Variants in ARRB1 observed in about 807,000 individuals in gnomAD.
ARRB1 encodes the protein beta-arrestin-1.
ARRB1 carries 21 observed loss-of-function variants against 56.8 expected under a neutral mutation model. That is an observed-to-expected ratio of 0.37 (90% CI 0.26 to 0.53). The LOEUF (loss-of-function observed/expected upper bound fraction) is 0.53. ARRB1 is among the 20% of genes least tolerant of loss of function. ARRB1 has a pLI of 0.88. For synonymous variants in ARRB1, 210 were observed against 218.6 expected (o/e 0.96, Z 0.35); for missense variants, 424 against 553.7 (o/e 0.77, Z 2.35).
At chr11:75,274,791 CA>C (rs1158322521) in intron 10 of ARRB1, 1,251 of 61,042 alleles carry the variant, frequency 0.02, 12 homozygotes, top group African/African-American at 0.064. Context: ...GACTCCATCT[CA>C]AAAAAAAAAA....
At chr11:75,309,561 G>C (rs1947112917) in intron 1 of ARRB1, among the ~76,000 whole-genome samples, 1 of 152,174 alleles carries the variant, frequency 6.6e-6, no homozygotes, top group African/African-American at 2.4e-5. Flanking sequence ...CGGACCCACT[G>C]GTGGCCTTGG....
chr11:75,287,217 C>T (rs1591921417), intron 3 of ARRB1, 98 bp downstream of exon 3: 2 of 1,301,712 alleles, frequency 1.5e-6, no homozygotes, highest in South Asian at 1.5e-5. Context: ...CACCCCCGTT[C>T]TTGGCACCGG....
In ARRB1 at chr11:75,262,771, G is replaced by A. The variant is rs186779744; in HGVS notation, c.*3392C>T. On this transcript the variant is annotated 3_prime_UTR_variant, in exon 16 of 16. Coordinates refer to ENST00000420843, the MANE Select transcript of ARRB1 (RefSeq NM_004041.5). ...TTGGTGACAGGCAGGACTGAGAGGC[G>A]GCATTGGGGACTTCCAGGACAGAGT... is the stretch of plus-strand genomic sequence containing the variant. Among the ~76,000 whole-genome samples, 15 of 152,328 alleles carry A rather than the reference G, an allele frequency of 9.8e-5. No individual in the cohort carries two copies. Among genetic ancestry groups the A allele is most frequent in the Non-Finnish European group, 1.8e-4 (12 of 68,024 alleles).
At chr11:75,327,189 C>T (rs1397413870) in intron 1 of ARRB1, among the ~76,000 whole-genome samples, 1 of 149,942 alleles carries the variant, frequency 6.7e-6, no homozygotes, top group Non-Finnish European at 1.5e-5. Flanking sequence ...GTAGTCCCAG[C>T]TACTCGGGAG....
At chr11:75,293,326 C>T (rs756125810) in intron 1 of ARRB1, among the ~76,000 whole-genome samples, 71 of 152,208 alleles carry the variant, frequency 4.7e-4, no homozygotes, top group Non-Finnish European at 7.3e-4. Flanking sequence ...CAAGGTGAAG[C>T]ATGGTCTGCC....
chr11:75,296,121 G>C (rs376135619), intron 1 of ARRB1, among the ~76,000 whole-genome samples: 2 of 145,308 alleles, frequency 1.4e-5, no homozygotes, highest in African/African-American at 5.2e-5. Context: ...GGGAGGCAGA[G>C]GTTACAGTAA....
At chr11:75,300,160 A>G (rs7129299) in intron 1 of ARRB1, among the ~76,000 whole-genome samples, 1,908 of 146,012 alleles carry the variant, frequency 0.013, 34 homozygotes, top group African/African-American at 0.043. Flanking sequence ...CTGAGATTGC[A>G]CCACTGCACT....
intron 1 of ARRB1, among the ~76,000 whole-genome samples, chr11:75,333,297 C>T (rs1565144405): frequency 6.6e-6 from 1 of 152,252 alleles, no homozygotes; most frequent in Non-Finnish European, 1.5e-5. Flanking sequence ...ACAGTAAGTG[C>T]TCTGGCAGGA....
intron 1 of ARRB1, among the ~76,000 whole-genome samples, chr11:75,341,015 C>A (rs906760031): frequency 6.6e-6 from 1 of 152,056 alleles, no homozygotes; most frequent in African/African-American, 2.4e-5. Flanking sequence ...CCTGTGCCCC[C>A]ACCCCCGCGC....
At chr11:75,279,569 ATGTGGC>A (rs1946282291) in intron 7 of ARRB1, among the ~76,000 whole-genome samples, 1 of 152,166 alleles carries the variant, frequency 6.6e-6, no homozygotes, top group Admixed American at 6.5e-5. Context: ...CTTACTAACT[ATGTGGC>A]CCTGGGTACA....
intron 1 of ARRB1, among the ~76,000 whole-genome samples, chr11:75,316,542 C>G (rs964679064): frequency 1.3e-5 from 2 of 152,044 alleles, no homozygotes; most frequent in Non-Finnish European, 2.9e-5. Flanking sequence ...GCACTTCCAG[C>G]GGGTGGGTGT....
intron 1 of ARRB1, among the ~76,000 whole-genome samples, chr11:75,329,585 G>A (rs943982275): frequency 5.3e-5 from 8 of 152,094 alleles, no homozygotes; most frequent in Non-Finnish European, 8.8e-5. Flanking sequence ...TGACCACTAC[G>A]CGGACCACTG....
chr11:75,302,098 T>C (rs1484782352), intron 1 of ARRB1, among the ~76,000 whole-genome samples: 1 of 152,044 alleles, frequency 6.6e-6, no homozygotes, highest in Admixed American at 6.6e-5. Context: ...CCGGCTTCTG[T>C]GGTTCCCGTC....
In ARRB1 at chr11:75,312,939, T is replaced by C. The variant is rs191826278; in HGVS notation, c.21-22900A>G. Among the ~76,000 whole-genome samples, 3 of 152,284 alleles carry C rather than the reference T, an allele frequency of 2.0e-5. No individual in the cohort carries two copies. The East Asian group carries it at 5.8e-4, about 29-fold the overall frequency. On this transcript the variant is annotated intron_variant, in intron 1 of 15. Transcript: ENST00000420843. Reference sequence around the variant, plus strand: ...ACCTCCAGAAGTGTAAAGAATATATTTGTGTTGTTTTAAGCCACTAAATAT... The same window carrying C: ...ACCTCCAGAAGTGTAAAGAATATATCTGTGTTGTTTTAAGCCACTAAATAT...
chr11:75,275,971 C>T (rs1394911988), intron 10 of ARRB1, among the ~76,000 whole-genome samples: 1 of 152,170 alleles, frequency 6.6e-6, no homozygotes, highest in Non-Finnish European at 1.5e-5. Flanking sequence ...CCTCATAGCT[C>T]TGATTTTTTT....
At chr11:75,326,724 CTTTTTTTTT>C (rs34937667) in intron 1 of ARRB1, among the ~76,000 whole-genome samples, 1 of 123,798 alleles carries the variant, frequency 8.1e-6, no homozygotes, top group Non-Finnish European at 1.7e-5. Flanking sequence ...AAATTACTGT[CTTTTTTTTT>C]TTTTTTTTTT....
chr11:75,349,225 G>T (rs980631506), intron 1 of ARRB1, among the ~76,000 whole-genome samples: 1 of 152,202 alleles, frequency 6.6e-6, no homozygotes, highest in Non-Finnish European at 1.5e-5. Flanking sequence ...CCATCAGGTG[G>T]ATTTAGCCGG....
chr11:75,348,541 A>T (rs955993934), intron 1 of ARRB1, among the ~76,000 whole-genome samples: 1 of 152,150 alleles, frequency 6.6e-6, no homozygotes, highest in African/African-American at 2.4e-5. Context: ...GATTGTTCCC[A>T]GAGCACCTTG....
chr11:75,263,527 G>A lies in ARRB1; in HGVS notation c.*2636C>T, dbSNP rs1945844327. 6.6e-6 allele frequency among the ~76,000 whole-genome samples: 1 copy of A among 152,202 alleles called. No homozygotes were observed. The highest frequency in any genetic ancestry group is 2.1e-4 in the South Asian group (1 of 4,834). On this transcript the variant is annotated 3_prime_UTR_variant, in exon 16 of 16. Coordinates refer to ENST00000420843, the MANE Select transcript of ARRB1 (RefSeq NM_004041.5). ...TTCTAATTCACATCAAGGCACCATA[G>A]GGACCAGCAGCCACCAGGAGCCCTG...
Sources: allele counts gnomAD v4.1 joint callset (sites outside exome capture counted in the v4.1 genomes callset), GRCh38; gene constraint gnomAD v4.1.1; transcripts MANE v1.5; gene names NCBI Gene and HGNC (gene_info 2026-07-23, HGNC 2026-07-21).